Variants in DAB1 observed in about 807,000 individuals in gnomAD.
DAB1 encodes the protein disabled homolog 1.
In DAB1, 15 loss-of-function variants were observed where a neutral mutation model predicts 64.6. That is an observed-to-expected ratio of 0.23 (90% CI 0.16 to 0.36). The LOEUF is 0.36. DAB1 is among the 10% of genes least tolerant of loss of function. The pLI is 1.00. For synonymous variants in DAB1, 235 were observed against 251.9 expected (o/e 0.93, Z 0.64); for missense variants, 596 against 706.7 (o/e 0.84, Z 1.78).
chr1:57,709,759 GCCACC>G (rs1287050157), intron 6 of DAB1, among the ~76,000 whole-genome samples: 2 of 151,990 alleles, frequency 1.3e-5, no homozygotes, highest in Non-Finnish European at 2.9e-5. Flanking sequence ...TGAAAATCTG[GCCACC>G]CCACCCCCCA....
chr1:57,720,815 G>A (rs1455114982), intron 6 of DAB1, among the ~76,000 whole-genome samples: 1 of 152,100 alleles, frequency 6.6e-6, no homozygotes, highest in East Asian at 1.9e-4. Flanking sequence ...TCTTACTGGT[G>A]TCTGGTTTGT....
chr1:58,226,576 C>G (rs1259019644), intron 4 of DAB1, among the ~76,000 whole-genome samples: 1 of 152,114 alleles, frequency 6.6e-6, no homozygotes, highest in Non-Finnish European at 1.5e-5. Context: ...ATCAGAGCAG[C>G]TGGAATGAAA....
At chr1:57,153,151 G>A (rs780265095) in intron 2 of DAB1, among the ~76,000 whole-genome samples, 2 of 152,038 alleles carry the variant, frequency 1.3e-5, no homozygotes, top group Admixed American at 6.6e-5. Flanking sequence ...TCAGCCACCC[G>A]AATCACTGGG....
At chr1:57,977,715 G>C (rs568028901) in intron 5 of DAB1, among the ~76,000 whole-genome samples, 1 of 151,764 alleles carries the variant, frequency 6.6e-6, no homozygotes, top group Non-Finnish European at 1.5e-5. Context: ...GACATCCCCC[G>C]GACCCACCAC....
At chr1:57,475,625 A>C (rs1643926180) in intron 7 of DAB1, among the ~76,000 whole-genome samples, 1 of 152,166 alleles carries the variant, frequency 6.6e-6, no homozygotes, top group Non-Finnish European at 1.5e-5. Context: ...CTCTGAGATG[A>C]GAAAGCGGAG....
intron 7 of DAB1, among the ~76,000 whole-genome samples, chr1:57,478,555 C>T (rs1643968509): frequency 6.8e-6 from 1 of 146,782 alleles, no homozygotes; most frequent in Non-Finnish European, 1.5e-5. Flanking sequence ...CCAACCTTCA[C>T]TTAACCAATT....
chr1:57,868,382 C>A (rs1223017812), intron 1 of DAB1, among the ~76,000 whole-genome samples: 1 of 152,088 alleles, frequency 6.6e-6, no homozygotes, highest in Non-Finnish European at 1.5e-5. Context: ...GAAAGATTTT[C>A]CTGTTGTCAC....
intron 4 of DAB1, among the ~76,000 whole-genome samples, chr1:58,189,069 C>T (rs190734789): frequency 5.3e-5 from 8 of 152,298 alleles, no homozygotes; most frequent in Admixed American, 3.3e-4. Context: ...TTGCACCCCC[C>T]ACCCAGCATT....
chr1:57,836,462 GA>G (rs1284094511), intron 1 of DAB1, among the ~76,000 whole-genome samples: 10 of 152,246 alleles, frequency 6.6e-5, no homozygotes, highest in Admixed American at 6.5e-4. Flanking sequence ...TTCTTTTCAG[GA>G]TGGCTCTCTG....
At chr1:57,085,918 A>G (rs1326377402) in intron 4 of DAB1, among the ~76,000 whole-genome samples, 1 of 152,208 alleles carries the variant, frequency 6.6e-6, no homozygotes, top group Non-Finnish European at 1.5e-5. Context: ...CTGACTAGAT[A>G]AAAATTAGTG....
At chr1:57,553,325 A>G (rs1180326577) in intron 7 of DAB1, among the ~76,000 whole-genome samples, 4 of 150,244 alleles carry the variant, frequency 2.7e-5, no homozygotes, top group South Asian at 2.1e-4. Flanking sequence ...AATTCAAGAA[A>G]GGAAAGAAAG....
rs1050580667 is a variant in DAB1, at chr1:57,038,932, C to T, written c.724-12889G>A. On this transcript the variant is annotated intron_variant, in intron 9 of 14. Coordinates refer to ENST00000371236, the MANE Select transcript of DAB1 (RefSeq NM_001365792.1). The stretch of plus-strand genomic sequence containing the variant: ...GTTCAGGGTGCTAAGCTGACCTGAA[C>T]GGGCTAACGCAAATGACAGGGCATA... 1.3e-4 allele frequency among the ~76,000 whole-genome samples: 20 copies of T among 152,244 alleles called. No individual in the cohort carries two copies. In the East Asian group the frequency reaches 2.5e-3, roughly 19 times the overall value.
intron 5 of DAB1, among the ~76,000 whole-genome samples, chr1:58,044,714 C>A (rs530286823): frequency 1.3e-5 from 2 of 152,200 alleles, no homozygotes; most frequent in African/African-American, 4.8e-5. Flanking sequence ...CTCAGTCTTA[C>A]CCTGTTTCAA....
chr1:58,111,614 T>C (rs372871436), intron 5 of DAB1, among the ~76,000 whole-genome samples: 29 of 152,314 alleles, frequency 1.9e-4, no homozygotes, highest in African/African-American at 6.7e-4. Flanking sequence ...AATGAGGAAA[T>C]GTCTTTCTCT....
intron 2 of DAB1, among the ~76,000 whole-genome samples, chr1:57,204,771 C>T (rs1246579234): frequency 6.6e-6 from 1 of 152,202 alleles, no homozygotes; most frequent in African/African-American, 2.4e-5. Context: ...GGTGAATTAG[C>T]AATTGTGATT....
intron 6 of DAB1, among the ~76,000 whole-genome samples, chr1:57,774,612 T>C (rs1343095597): frequency 6.6e-6 from 1 of 151,860 alleles, no homozygotes; most frequent in Non-Finnish European, 1.5e-5. Context: ...GGTTTTGTTA[T>C]GAATGAGTGT....
intron 3 of DAB1, among the ~76,000 whole-genome samples, chr1:58,377,674 C>T (rs1413307770): frequency 7.2e-6 from 1 of 139,834 alleles, no homozygotes; most frequent in African/African-American, 2.7e-5. Context: ...TTGCTCTTCT[C>T]GAAGAGTATC....
chr1:57,815,353 A>AC (rs1205131974), intron 6 of DAB1, among the ~76,000 whole-genome samples: 1 of 152,034 alleles, frequency 6.6e-6, no homozygotes, highest in Non-Finnish European at 1.5e-5. Context: ...CAGGCATGAG[A>AC]CCCCATGCCC....
chr1:57,403,323 C>T (rs1300219152), intron 1 of DAB1, among the ~76,000 whole-genome samples: 1 of 152,158 alleles, frequency 6.6e-6, no homozygotes, highest in Non-Finnish European at 1.5e-5. Flanking sequence ...GCCATCAGTG[C>T]CACTGCTTGG....
Sources: gnomAD v4.1 joint callset for allele counts (sites outside exome capture counted in the v4.1 genomes callset) on GRCh38, gnomAD v4.1.1 for gene constraint, MANE v1.5 for transcripts, NCBI Gene and HGNC (gene_info 2026-07-23, HGNC 2026-07-21) for gene names.